Variants in WDR76 observed in about 807,000 individuals in gnomAD.
WDR76 encodes WD repeat-containing protein 76.
A neutral mutation model predicts 70.2 loss-of-function variants in WDR76; 52 were observed. That is an observed-to-expected ratio of 0.74 (90% CI 0.59 to 0.93). The LOEUF is 0.93. Among genes scored for constraint, WDR76 ranks in the 40% least tolerant of loss-of-function variants. The pLI is 0.00. For synonymous variants in WDR76, 292 were observed against 271.1 expected (o/e 1.08, Z -0.76); for missense variants, 756 against 760.2 (o/e 0.99, Z 0.07).
chr15:43,856,953 G>A lies in WDR76; in HGVS notation c.1199G>A (p.Arg400Lys). 1 of 1,613,562 alleles carries A rather than the reference G, an allele frequency of 6.2e-7. No homozygotes were observed. The highest frequency in any genetic ancestry group is 8.5e-7 in the Non-Finnish European group (1 of 1,179,706). Residue 400 changes from arginine to lysine, a missense_variant, in exon 10 of 13, where the codon AGA becomes AAA. Transcript: ENST00000263795. Reference protein sequence around the residue: ...FSRAIFEEVYRNERSSFSSFD... With the variant: ...FSRAIFEEVYKNERSSFSSFD... ...TGTTACTTATATTCTTAGGTGTATA[G>A]AAATGAAAGAAGTAGCTTTTCCTCC... is the stretch of plus-strand genomic sequence containing the variant.
chr15:43,859,056 G>T (rs1595453694), intron 11 of WDR76, among the ~76,000 whole-genome samples: 1 of 152,298 alleles, frequency 6.6e-6, no homozygotes, highest in South Asian at 2.1e-4. Flanking sequence ...ACCCTGGGGG[G>T]TTTATGGTCT....
At chr15:43,842,575 T>C in intron 6 of WDR76, 53 bp from the exon 7 acceptor site, 1 of 1,586,896 alleles carries the variant, frequency 6.3e-7, no homozygotes, top group Non-Finnish European at 8.6e-7. Context: ...TATATATATA[T>C]GTAAAAATAT....
intron 4 of WDR76, 49 bp from the exon 5 acceptor site, chr15:43,839,556 C>T: frequency 3.2e-6 from 5 of 1,552,736 alleles, no homozygotes; most frequent in Middle Eastern, 1.7e-4. Flanking sequence ...TTAGTAAATA[C>T]ATTTTATTGT....
At chr15:43,832,263 G>A (rs2087598487) in intron 2 of WDR76, among the ~76,000 whole-genome samples, 1 of 151,930 alleles carries the variant, frequency 6.6e-6, no homozygotes, top group South Asian at 2.1e-4. Context: ...GGTGTGGTAA[G>A]GCAGGCCTGT....
At chr15:43,838,717 A>T (rs1317245083) in intron 4 of WDR76, among the ~76,000 whole-genome samples, 1 of 152,008 alleles carries the variant, frequency 6.6e-6, no homozygotes, top group Non-Finnish European at 1.5e-5. Flanking sequence ...ACTACATTTT[A>T]TTCTACTGTT....
At chr15:43,856,530 A>G (rs1030868226) in intron 9 of WDR76, among the ~76,000 whole-genome samples, 1 of 151,602 alleles carries the variant, frequency 6.6e-6, no homozygotes, top group African/African-American at 2.4e-5. Context: ...TAGCCCTGAC[A>G]TGGGTAGATG....
intron 8 of WDR76, among the ~76,000 whole-genome samples, chr15:43,848,069 A>T (rs1398241923): frequency 1.4e-5 from 2 of 146,758 alleles, no homozygotes; most frequent in Non-Finnish European, 3.0e-5. Flanking sequence ...GTCTCTTAAA[A>T]AAAACAAACA....
chr15:43,859,297 C>CT, intron 11 of WDR76, among the ~76,000 whole-genome samples: 1 of 152,130 alleles, frequency 6.6e-6, no homozygotes, highest in Non-Finnish European at 1.5e-5. Context: ...TAGTACCTTC[C>CT]TATAGCTACT....
chr15:43,848,667 G>A (rs1460080539), intron 8 of WDR76, among the ~76,000 whole-genome samples: 2 of 152,222 alleles, frequency 1.3e-5, no homozygotes, highest in East Asian at 1.9e-4. Context: ...AAGGCCGGGC[G>A]CAGTGGCTCA....
rs569166152 is a variant in WDR76, at chr15:43,862,296, T to C, written c.1616+910T>C. Among the ~76,000 whole-genome samples the C allele has an allele frequency of 2.3e-4, 31 of 136,586 alleles. No homozygotes were observed. In the South Asian group the frequency reaches 2.9e-3, roughly 13 times the overall value. 89.6% of individuals were successfully genotyped at this position (136,586 alleles called of 152,430 possible). On this transcript the variant is annotated intron_variant, in intron 12 of 12. Coordinates refer to ENST00000263795, the MANE Select transcript of WDR76 (RefSeq NM_024908.4). Reference sequence around the variant, plus strand: ...AGTTTCTTTTTTTTTTTTTTTTTTTTTCAGGTCCACAATTTTTTTTTTTTT... The same window carrying C: ...AGTTTCTTTTTTTTTTTTTTTTTTTCTCAGGTCCACAATTTTTTTTTTTTT...
intron 12 of WDR76, among the ~76,000 whole-genome samples, chr15:43,864,513 C>T (rs988359463): frequency 4.6e-5 from 7 of 151,840 alleles, no homozygotes; most frequent in African/African-American, 1.2e-4. Flanking sequence ...TGATACTGAA[C>T]GTATTTTCAT....
intron 2 of WDR76, among the ~76,000 whole-genome samples, chr15:43,832,754 T>TTTG (rs2087607473): frequency 1.5e-5 from 2 of 133,188 alleles, no homozygotes; most frequent in Admixed American, 7.8e-5. Flanking sequence ...TTTTTTTTTT[T>TTTG]TTTTTTTTTT....
At chr15:43,834,250 A>T (rs1006791470) in intron 2 of WDR76, among the ~76,000 whole-genome samples, 2 of 149,420 alleles carry the variant, frequency 1.3e-5, no homozygotes, top group African/African-American at 5.0e-5. Context: ...ACATGTACTT[A>T]CTCACTCTAC....
Position 43,836,323 on chromosome 15 carries a change from A to G in WDR76, c.608+107A>G, listed in dbSNP as rs2141727866. 3.3e-6 allele frequency: 3 copies of G among 912,294 alleles called. No homozygotes were observed. In the East Asian group the frequency reaches 8.5e-5, roughly 26 times the overall value. The allele number at this position is 912,294 out of a possible 1,614,324, so 56.5% of individuals were successfully genotyped here. On this transcript the variant is annotated intron_variant, in intron 4 of 12. Coordinates refer to ENST00000263795, the MANE Select transcript of WDR76 (RefSeq NM_024908.4). ...TAAGCTTAACAGATCATAAAGTGCT[A>G]TTTAATCTCAGTCCCTCTAGGATCT...
chr15:43,838,849 A>G (rs972362766), intron 4 of WDR76, among the ~76,000 whole-genome samples: 9 of 152,144 alleles, frequency 5.9e-5, no homozygotes, highest in African/African-American at 1.9e-4. Flanking sequence ...ATGACAGCCC[A>G]TATTATTCCA....
intron 2 of WDR76, among the ~76,000 whole-genome samples, chr15:43,833,413 G>A (rs1469882365): frequency 4.6e-5 from 7 of 151,180 alleles, no homozygotes; most frequent in Non-Finnish European, 7.4e-5. Context: ...CCGCCTCCCG[G>A]GTTCATGCCA....
chr15:43,865,937 G>A (rs2088064803), intron 12 of WDR76, among the ~76,000 whole-genome samples, 191 bp from the exon 13 acceptor site: 1 of 152,198 alleles, frequency 6.6e-6, no homozygotes, highest in South Asian at 2.1e-4. Flanking sequence ...TTTAGATGAG[G>A]AGGATATCGT....
At position 43,845,806 on chromosome 15, in the gene WDR76, T is replaced by A. The variant is rs150285217; in HGVS notation, c.1032+1752T>A. 2.8e-3 allele frequency among the ~76,000 whole-genome samples: 422 copies of A among 150,640 alleles called. 10 individuals are homozygous for A. The highest frequency in any genetic ancestry group is 9.6e-3 in the African/African-American group (396 of 41,454). Reference sequence around the variant, plus strand: ...TCAAGTTAATGTTCTCTGAATTTATTTTCTTATTGGGGAAGAAGACCAAAG... The same window carrying A: ...TCAAGTTAATGTTCTCTGAATTTATATTCTTATTGGGGAAGAAGACCAAAG... On this transcript the variant is annotated intron_variant, in intron 8 of 12. Coordinates refer to ENST00000263795, the MANE Select transcript of WDR76 (RefSeq NM_024908.4).
intron 8 of WDR76, among the ~76,000 whole-genome samples, chr15:43,849,632 C>T (rs1037386351): frequency 3.3e-5 from 5 of 152,032 alleles, no homozygotes; most frequent in South Asian, 2.1e-4. Context: ...TCTGCCTCCC[C>T]GGTTCAAGCA....
Sources: allele counts gnomAD v4.1 joint callset (sites outside exome capture counted in the v4.1 genomes callset), GRCh38; gene constraint gnomAD v4.1.1; transcripts MANE v1.5; gene names NCBI Gene and HGNC (gene_info 2026-07-23, HGNC 2026-07-21).